SFTPB: variants seen among roughly 807,000 people sequenced by gnomAD.
SFTPB encodes the protein surfactant protein B.
A neutral mutation model predicts 51.0 loss-of-function variants in SFTPB; 32 were observed. The observed-to-expected ratio is 0.63, with a 90% CI of 0.47 to 0.84. The LOEUF (loss-of-function observed/expected upper bound fraction) is 0.84. SFTPB is among the 40% of genes least tolerant of loss of function. SFTPB has a pLI of 0.00. For missense variants in SFTPB, 431 were observed against 491.2 expected (o/e 0.88, Z 1.16); for synonymous variants, 211 against 208.5 (o/e 1.01, Z -0.10).
chr2:85,666,841 C>G, intron 3 of SFTPB, 99 bp from the exon 4 acceptor site: 1 of 1,510,976 alleles, frequency 6.6e-7, no homozygotes, highest in Non-Finnish European at 9.2e-7. Flanking sequence ...GACCCCTAAT[C>G]CCCCAGGGTG....
chr2:85,661,630 G>A (rs1186441341), intron 9 of SFTPB, 95 bp from the exon 10 acceptor site: 6 of 1,027,262 alleles, frequency 5.8e-6, no homozygotes, highest in Non-Finnish European at 8.8e-6. Context: ...TCCACCTCCC[G>A]CCTAGTGGGT....
At chr2:85,663,093 G>A (rs1677391796) in intron 8 of SFTPB, among the ~76,000 whole-genome samples, 4 of 152,134 alleles carry the variant, frequency 2.6e-5, no homozygotes, top group Admixed American at 1.3e-4. Context: ...GGCTTGCCTG[G>A]TGCTCACTCA....
At chr2:85,668,316 C>A, upstream of SFTPB, 1 of 806,828 alleles carries the variant, frequency 1.2e-6, no homozygotes, top group Non-Finnish European at 2.1e-6. Flanking sequence ...GTGCTTGATC[C>A]CACCTTTTCC....
Position 85,666,757 on chromosome 2 carries a change from G to A in SFTPB, c.268-15C>T. On this transcript the variant is annotated splice_polypyrimidine_tract_variant and intron_variant, in intron 3 of 10. Transcript: ENST00000519937. ...CTCATCGTGTCCTGGGAGGCCAGAGGGGGCCGTCAGCTGGGCCTCTCTGAG... is the reference window on the plus strand; with the variant it reads ...CTCATCGTGTCCTGGGAGGCCAGAGAGGGCCGTCAGCTGGGCCTCTCTGAG... 5 of 1,613,600 alleles carry A rather than the reference G, an allele frequency of 3.1e-6. No homozygotes were observed. The highest frequency in any genetic ancestry group is 1.6e-4 in the Middle Eastern group (1 of 6,062).
chr2:85,666,422 G>A lies in SFTPB; in HGVS notation c.393+195C>T, dbSNP rs867070170. On this transcript the variant is annotated intron_variant, in intron 4 of 10. Transcript: ENST00000519937. ...GTGTGTGTGTCCGGCCAGCTGGGGTGTTGTGTGTGTGTGTGTGTGTGTGTC... is the reference window on the plus strand; with the variant it reads ...GTGTGTGTGTCCGGCCAGCTGGGGTATTGTGTGTGTGTGTGTGTGTGTGTC... The A allele has an allele frequency of 7.6e-5, 40 of 526,992 alleles. No individual in the cohort carries two copies. The African/African-American group carries it at 1.1e-3, about 15-fold the overall frequency. The allele number at this position is 526,992 out of a possible 1,614,324, so 32.6% of individuals were successfully genotyped here. A position where few individuals can be genotyped will look rare whatever the true frequency, so the allele number is the denominator to read the frequency against.
intron 4 of SFTPB, among the ~76,000 whole-genome samples, chr2:85,666,078 G>C (rs763486346): frequency 1.3e-5 from 2 of 152,114 alleles, no homozygotes; most frequent in Non-Finnish European, 2.9e-5. Flanking sequence ...GTGTGTGAGC[G>C]TACAGGCCCA....
At chr2:85,668,312 G>T, upstream of SFTPB, 1 of 858,370 alleles carries the variant, frequency 1.2e-6, no homozygotes, top group Non-Finnish European at 1.9e-6. Context: ...CCAGGTGCTT[G>T]ATCCCACCTT....
At chr2:85,661,426 C>G (rs1026151966) in intron 10 of SFTPB, 28 bp downstream of exon 10, 2 of 1,524,328 alleles carry the variant, frequency 1.3e-6, no homozygotes, top group Non-Finnish European at 1.8e-6. Flanking sequence ...GCCCCCTTAC[C>G]TCCCCGCAAC....
intron 6 of SFTPB, 34 bp downstream of exon 6, chr2:85,665,255 G>C (rs767460921): frequency 6.8e-7 from 1 of 1,476,518 alleles, no homozygotes; most frequent in South Asian, 1.1e-5. Context: ...GTATGCGTGT[G>C]CTCCTGGGCT....
rs1677733540 is a variant in SFTPB at position 85,667,816 on chromosome 2, G to C, written c.68-10C>G. The stretch of plus-strand genomic sequence containing the variant: ...GAGGTGGTCCAGGCAGCTGTGGTTT[G>C]GGGCCAGAGCAACCTTAATCAGGAT... On this transcript the variant is annotated splice_polypyrimidine_tract_variant and intron_variant, in intron 1 of 10. Transcript: ENST00000519937. 6.2e-7 allele frequency: 1 copy of C among 1,614,146 alleles called. No homozygotes were observed. Among genetic ancestry groups the C allele is most frequent in the African/African-American group, 1.3e-5 (1 of 74,962 alleles).
At chr2:85,667,505 C>A (rs1677710832) in intron 2 of SFTPB, among the ~76,000 whole-genome samples, 174 bp downstream of exon 2, 1 of 152,134 alleles carries the variant, frequency 6.6e-6, no homozygotes, top group Admixed American at 6.5e-5. Flanking sequence ...TATTCTATGT[C>A]ATCGTATCCC....
chr2:85,661,312 C>T, intron 10 of SFTPB, 142 bp downstream of exon 10: 1 of 627,622 alleles, frequency 1.6e-6, no homozygotes, highest in East Asian at 3.0e-5. Context: ...CCTCAGGAGC[C>T]TCCAGCTGTG....
intron 6 of SFTPB, among the ~76,000 whole-genome samples, chr2:85,665,027 T>C (rs1210453434): frequency 6.6e-6 from 1 of 152,224 alleles, no homozygotes; most frequent in Non-Finnish European, 1.5e-5. Flanking sequence ...TCCGTTTTTG[T>C]ACTTTGGCTC....
chr2:85,661,598 T>C, intron 9 of SFTPB, 63 bp from the exon 10 acceptor site: 1 of 1,413,196 alleles, frequency 7.1e-7, no homozygotes, highest in African/African-American at 1.4e-5. Flanking sequence ...ACCCAGCTCT[T>C]CCGGGAAAGA....
At chr2:85,667,827 A>C (rs1377020055) in intron 1 of SFTPB, 21 bp from the exon 2 acceptor site, 1 of 1,614,142 alleles carries the variant, frequency 6.2e-7, no homozygotes, top group Non-Finnish European at 8.5e-7. Flanking sequence ...GGGCCAGAGC[A>C]ACCTTAATCA....
At chr2:85,668,535 T>C, upstream of SFTPB, 1 of 354,082 alleles carries the variant, frequency 2.8e-6, no homozygotes, top group Non-Finnish European at 5.3e-6. Context: ...GCAGCCTGGG[T>C]GTTCCCCTCC....
Position 85,662,697 on chromosome 2 carries a change from C to T in SFTPB, c.1003-588G>A, listed in dbSNP as rs567364206. ...CTCTACTAAAAATACAAAAATTAGC[C>T]GGGCCTGGTAGCACATGCCTGTAAT... On this transcript the variant is annotated intron_variant, in intron 8 of 10. Transcript: ENST00000519937. 5.9e-5 allele frequency among the ~76,000 whole-genome samples: 9 copies of T among 152,048 alleles called. No homozygotes were observed. The South Asian group carries it at 8.3e-4, about 14-fold the overall frequency.
At chr2:85,662,134 G>T in intron 8 of SFTPB, 25 bp from the exon 9 acceptor site, 2 of 1,587,484 alleles carry the variant, frequency 1.3e-6, no homozygotes, top group South Asian at 2.3e-5. Context: ...ACACAGCTGT[G>T]GAGGGTCCCT....
rs768442204 is a variant in SFTPB at position 85,667,732 on chromosome 2, G to T, written c.142C>A (p.Gln48Lys). Residue 48 changes from glutamine (Q) to lysine (K), a missense_variant, in exon 2 of 11, where the codon CAG (glutamine) becomes AAG (lysine). Transcript: ENST00000519937. ...AGGCAATGCCCTAGGGCTCTGCACT[G>T]CAATGCTTGCTCCAGGCTTTGGCAC... ...FWCQSLEQAL[Q>K]CRALGHCLQE... 2 of 1,614,248 alleles carry T rather than the reference G, an allele frequency of 1.2e-6. No homozygotes were observed. Among genetic ancestry groups the T allele is most frequent in the South Asian group, 2.2e-5 (2 of 91,092 alleles).
Sources: allele counts gnomAD v4.1 joint callset (sites outside exome capture counted in the v4.1 genomes callset), GRCh38; gene constraint gnomAD v4.1.1; transcripts MANE v1.5; gene names NCBI Gene and HGNC (gene_info 2026-07-23, HGNC 2026-07-21).